RBFOX1: variants seen among roughly 807,000 people sequenced by gnomAD.
RBFOX1 encodes RNA binding protein fox-1 homolog 1.
A neutral mutation model predicts 57.7 loss-of-function variants in RBFOX1; 8 were observed. The ratio of observed to expected loss-of-function variants is 0.14; its 90% confidence interval spans 0.08 to 0.25. RBFOX1 has a LOEUF of 0.25. Ranked by LOEUF, RBFOX1 falls within the 10% of genes least tolerant of loss-of-function variation. The probability of loss-of-function intolerance (pLI) is 1.00; values close to 1 mark genes in which losing one functional copy is unlikely to be tolerated. For missense variants in RBFOX1, 611 were observed against 548.5 expected (o/e 1.11, Z -1.14); for synonymous variants, 326 against 222.4 (o/e 1.47, Z -4.15).
At chr16:7,131,343 T>C (rs1469490701) in intron 4 of RBFOX1, among the ~76,000 whole-genome samples, 3 of 45,052 alleles carry the variant, frequency 6.7e-5, no homozygotes, top group African/African-American at 1.3e-4. Flanking sequence ...GAGACTGTCT[T>C]TTTTTTTTTT....
intron 3 of RBFOX1, among the ~76,000 whole-genome samples, chr16:6,817,721 CAAAA>C (rs780630415): frequency 1.3e-5 from 2 of 151,020 alleles, no homozygotes; most frequent in African/African-American, 2.4e-5. Context: ...AAAAAACAAA[CAAAA>C]AAAACTACCA....
At chr16:7,456,313 C>G (rs372413669) in intron 4 of RBFOX1, among the ~76,000 whole-genome samples, 3 of 152,192 alleles carry the variant, frequency 2.0e-5, no homozygotes, top group African/African-American at 7.2e-5. Context: ...ATTCTTCAAG[C>G]TGTGTGTGGA....
chr16:7,698,929 G>C (rs544166213), intron 14 of RBFOX1, among the ~76,000 whole-genome samples: 1 of 152,180 alleles, frequency 6.6e-6, no homozygotes, highest in African/African-American at 2.4e-5. Context: ...GTCTGAATTA[G>C]CCTAAGTGGG....
chr16:5,641,844 C>T (rs1222003212), intron 3 of RBFOX1, among the ~76,000 whole-genome samples: 2 of 152,206 alleles, frequency 1.3e-5, no homozygotes, highest in Non-Finnish European at 2.9e-5. Flanking sequence ...GAGCACATCA[C>T]AGAGCAGGGG....
chr16:5,647,665 T>G (rs2151350587), intron 3 of RBFOX1, among the ~76,000 whole-genome samples: 1 of 152,276 alleles, frequency 6.6e-6, no homozygotes, highest in African/African-American at 2.4e-5. Flanking sequence ...CTTCTCTGAT[T>G]ATTAGGGTAA....
chr16:6,085,099 G>A (rs2096064929), intron 1 of RBFOX1, among the ~76,000 whole-genome samples: 2 of 152,188 alleles, frequency 1.3e-5, no homozygotes, highest in Non-Finnish European at 2.9e-5. Flanking sequence ...GGGACTGGGT[G>A]AGGGCGGGGA....
intron 4 of RBFOX1, among the ~76,000 whole-genome samples, chr16:5,951,279 C>G (rs1597924989): frequency 6.6e-6 from 1 of 152,054 alleles, no homozygotes; most frequent in Non-Finnish European, 1.5e-5. Flanking sequence ...GAAACCCTGT[C>G]TTTACTAAAA....
intron 3 of RBFOX1, among the ~76,000 whole-genome samples, chr16:5,766,233 G>A (rs1057025200): frequency 1.2e-4 from 19 of 152,142 alleles, no homozygotes; most frequent in African/African-American, 3.9e-4. Flanking sequence ...AAGGAGAAGG[G>A]GCGTCTCACA....
chr16:6,736,533 C>T (rs902056704), intron 3 of RBFOX1, among the ~76,000 whole-genome samples: 1 of 152,162 alleles, frequency 6.6e-6, no homozygotes, highest in South Asian at 2.1e-4. Flanking sequence ...TATATACATA[C>T]CTCAATTTCT....
chr16:7,197,392 C>G (rs2086978528), intron 4 of RBFOX1, among the ~76,000 whole-genome samples: 4 of 135,712 alleles, frequency 2.9e-5, no homozygotes, highest in Admixed American at 2.5e-4. Context: ...TTCTTTGAAG[C>G]TAAGTTAAAA....
In RBFOX1 at chr16:7,220,382, C is replaced by G. The variant is rs1373640988; in HGVS notation, c.27+168284C>G. The stretch of plus-strand genomic sequence containing the variant: ...CCCAAGTATAGGACAACTACTTAAT[C>G]TGTTGTTGCTCAAAGAAGGTGCAAT... On this transcript the variant is annotated intron_variant, in intron 4 of 15. Transcript: ENST00000550418. Among the ~76,000 whole-genome samples the G allele has an allele frequency of 3.3e-5, 5 of 152,292 alleles. 1 individual carries two copies. The highest frequency in any genetic ancestry group is 4.1e-4 in the South Asian group (2 of 4,820).
intron 6 of RBFOX1, among the ~76,000 whole-genome samples, chr16:7,581,639 G>A (rs543136777): frequency 6.6e-6 from 1 of 152,172 alleles, no homozygotes; most frequent in Non-Finnish European, 1.5e-5. Context: ...ACAGAGGTAG[G>A]GTAGACGGCA....
chr16:5,579,739 A>G (rs747173211), intron 2 of RBFOX1, among the ~76,000 whole-genome samples: 1 of 150,394 alleles, frequency 6.6e-6, no homozygotes, highest in Non-Finnish European at 1.5e-5. Context: ...GTCATTGCCC[A>G]GTTAATTCTT....
intron 3 of RBFOX1, among the ~76,000 whole-genome samples, chr16:6,748,232 C>T (rs1422584897): frequency 1.3e-5 from 2 of 151,952 alleles, no homozygotes; most frequent in Non-Finnish European, 2.9e-5. Flanking sequence ...TGCATAAATT[C>T]CAGAAGTATA....
rs199683501 is a variant in RBFOX1, at chr16:6,884,211, G to A, written c.-15-167846G>A. Among the ~76,000 whole-genome samples the A allele has an allele frequency of 4.0e-4, 61 of 152,322 alleles. No individual in the cohort carries two copies. In the East Asian group the frequency reaches 4.6e-3, roughly 12 times the overall value. On this transcript the variant is annotated intron_variant, in intron 3 of 15. Transcript: ENST00000550418. ...GGGCATGCTTCCTGGCTCATGTGCA[G>A]TCAGCCATGCTGCAGAGGCCAGGGA... is the stretch of plus-strand genomic sequence containing the variant.
At chr16:7,042,255 C>T (rs2046410605) in intron 3 of RBFOX1, among the ~76,000 whole-genome samples, 5 of 152,156 alleles carry the variant, frequency 3.3e-5, no homozygotes. Context: ...TGAGCACCTG[C>T]TAAGGACAAG....
intron 3 of RBFOX1, among the ~76,000 whole-genome samples, chr16:5,804,928 C>T (rs927779714): frequency 1.3e-5 from 2 of 152,178 alleles, no homozygotes; most frequent in Non-Finnish European, 2.9e-5. Context: ...CCACTACCAG[C>T]ATTTCTCTGA....
chr16:5,999,867 C>CAAAAAAAAAAAAAAAAAAAAA (rs869221577), intron 4 of RBFOX1, among the ~76,000 whole-genome samples: 1 of 27,664 alleles, frequency 3.6e-5, no homozygotes, highest in Non-Finnish European at 6.4e-5. Context: ...GACTCCACCT[C>CAAAAAAAAAAAAAAAAAAAAA]AAAAAAAAAA....
chr16:7,356,897 G>A (rs973693020), intron 4 of RBFOX1, among the ~76,000 whole-genome samples: 2 of 152,150 alleles, frequency 1.3e-5, no homozygotes, highest in Admixed American at 1.3e-4. Flanking sequence ...AGCATGGCAA[G>A]AACCTCCAGC....
Sources: gnomAD v4.1 joint callset for allele counts (sites outside exome capture counted in the v4.1 genomes callset) on GRCh38, gnomAD v4.1.1 for gene constraint, MANE v1.5 for transcripts, NCBI Gene and HGNC (gene_info 2026-07-23, HGNC 2026-07-21) for gene names.